EHD4: variants seen among roughly 807,000 people sequenced by gnomAD.
The protein encoded by EHD4 is EH domain containing 4.
In EHD4, 37 loss-of-function variants were observed where a neutral mutation model predicts 51.0. The observed-to-expected ratio is 0.73, with a 90% CI of 0.56 to 0.95. The LOEUF (loss-of-function observed/expected upper bound fraction) is 0.95, where lower values mean the gene tolerates loss of function less well. Among genes scored for constraint, EHD4 ranks in the 40% least tolerant of loss-of-function variants. The pLI is 0.00. For missense variants in EHD4, 632 were observed against 733.1 expected, an observed-to-expected ratio of 0.86 and a Z score of 1.59; for synonymous variants, 297 against 317.3, an observed-to-expected ratio of 0.94 and a Z score of 0.68.
At position 41,901,147 on chromosome 15, in the gene EHD4, T is replaced by G; in HGVS notation, c.1124A>C (p.His375Pro). ...QLENYDFTKF[H>P]SLKPKLIEAV... The stretch of plus-strand genomic sequence containing the variant: ...CTCGATCAGCTTGGGCTTCAGCGAG[T>G]GGAATTTGGTGAAGTCATAGTTCTC... The change falls in exon 6 of 6, where the codon CAC becomes CCC. Residue 375 changes from histidine to proline, a missense_variant. His to Pro is a moderately conservative substitution (Grantham distance 77, BLOSUM62 -2). Transcript: ENST00000220325. The G allele has an allele frequency of 6.4e-7, 1 of 1,568,276 alleles. No homozygotes were observed. Among genetic ancestry groups the G allele is most frequent in the Non-Finnish European group, 8.6e-7 (1 of 1,160,164 alleles).
intron 3 of EHD4, chr15:41,921,763 C>A (rs141572101): frequency 6.6e-6 from 1 of 152,220 alleles, no homozygotes; most frequent in Non-Finnish European, 1.5e-5. Flanking sequence ...TTGCTGAATA[C>A]CCTTCCTGTT....
At chr15:41,921,971 C>T (rs1595534342) in intron 3 of EHD4, among the ~76,000 whole-genome samples, 1 of 152,212 alleles carries the variant, frequency 6.6e-6, no homozygotes, top group Admixed American at 6.5e-5. Flanking sequence ...ATGGTGGTGG[C>T]GGCTTCCTAA....
At chr15:41,958,456 A>G (rs185506871) in intron 1 of EHD4, among the ~76,000 whole-genome samples, 19 of 152,226 alleles carry the variant, frequency 1.2e-4, no homozygotes, top group Admixed American at 3.3e-4. Flanking sequence ...ATTCAGCCCA[A>G]GCTCACAGAG....
chr15:41,912,204 A>G (rs2067554746), intron 4 of EHD4, among the ~76,000 whole-genome samples: 1 of 151,990 alleles, frequency 6.6e-6, no homozygotes, highest in Non-Finnish European at 1.5e-5. Flanking sequence ...GTGCCACCTG[A>G]GTCATGACCC....
At chr15:41,919,982 T>C (rs2067614227) in intron 3 of EHD4, among the ~76,000 whole-genome samples, 1 of 152,218 alleles carries the variant, frequency 6.6e-6, no homozygotes, top group Non-Finnish European at 1.5e-5. Flanking sequence ...ACACAGGCCA[T>C]GGGTCAAAAG....
intron 3 of EHD4, among the ~76,000 whole-genome samples, chr15:41,935,691 C>A (rs143070885): frequency 2.0e-4 from 30 of 152,298 alleles, no homozygotes; most frequent in African/African-American, 7.0e-4. Context: ...AACCAGACTG[C>A]CTGGTTTCAA....
At chr15:41,927,644 C>T (rs981772751) in intron 3 of EHD4, among the ~76,000 whole-genome samples, 3 of 152,166 alleles carry the variant, frequency 2.0e-5, no homozygotes, top group African/African-American at 7.2e-5. Context: ...AATAGTCAAA[C>T]ACACAAAATC....
At chr15:41,957,970 T>A (rs899626130) in intron 1 of EHD4, among the ~76,000 whole-genome samples, 1 of 151,962 alleles carries the variant, frequency 6.6e-6, no homozygotes, top group Non-Finnish European at 1.5e-5. Context: ...GCAATGTGCA[T>A]AAATGGGTCA....
Position 41,919,642 on chromosome 15 carries a change from C to A in EHD4, c.512-20G>T, listed in dbSNP as rs776039358. 5 of 1,504,300 alleles carry A rather than the reference C, an allele frequency of 3.3e-6. No homozygotes were observed. The Admixed American group carries it at 9.3e-5, about 28-fold the overall frequency. 93.2% of individuals were successfully genotyped at this position (1,504,300 alleles called of 1,614,324 possible). ...CATAGCCTGGGTGGAGAGAAGGACACGTCAGTGTAGCCACTGCTGCAGGAG... is the reference window on the plus strand; with the variant it reads ...CATAGCCTGGGTGGAGAGAAGGACAAGTCAGTGTAGCCACTGCTGCAGGAG... On this transcript the variant is annotated intron_variant, in intron 3 of 5. Transcript: ENST00000220325.
At chr15:41,922,921 C>A (rs980698995) in intron 3 of EHD4, among the ~76,000 whole-genome samples, 1 of 152,164 alleles carries the variant, frequency 6.6e-6, no homozygotes, top group Non-Finnish European at 1.5e-5. Context: ...GACGGTCTGT[C>A]ACACATCAGG....
At position 41,971,643 on chromosome 15, in the gene EHD4, G is replaced by A. The variant is rs1450466514; in HGVS notation, c.236+616C>T. ...AATAGTAATATGACACTCCCCCTTA[G>A]TTCCACAGGCTGGTGCGGCTGCTAC... is the stretch of plus-strand genomic sequence containing the variant. On this transcript the variant is annotated intron_variant, in intron 1 of 5. Transcript: ENST00000220325. 1.3e-5 allele frequency among the ~76,000 whole-genome samples: 2 copies of A among 152,174 alleles called. 1 individual carries two copies. The highest frequency in any genetic ancestry group is 4.8e-5 in the African/African-American group (2 of 41,436).
At chr15:41,965,082 AT>A (rs1203239576) in intron 1 of EHD4, among the ~76,000 whole-genome samples, 4 of 152,098 alleles carry the variant, frequency 2.6e-5, no homozygotes, top group Non-Finnish European at 5.9e-5. Flanking sequence ...TATTATCTAT[AT>A]TTTTTGAGGC....
At chr15:41,952,336 C>T (rs1005359028) in intron 2 of EHD4, among the ~76,000 whole-genome samples, 33 of 152,324 alleles carry the variant, frequency 2.2e-4, no homozygotes, top group African/African-American at 7.7e-4. Context: ...TAAAGAGGCT[C>T]GGATGACCCT....
chr15:41,913,419 G>C (rs577358138), intron 4 of EHD4, among the ~76,000 whole-genome samples: 1 of 152,346 alleles, frequency 6.6e-6, no homozygotes, highest in South Asian at 2.1e-4. Context: ...CGAAAGAGAA[G>C]AGGGGGACTA....
In EHD4 at chr15:41,907,866, GTGTGTA is replaced by G. The variant is rs773825600; in HGVS notation, c.1089+1827_1089+1832del. Among the ~76,000 whole-genome samples, 320 of 97,786 alleles carry G rather than the reference GTGTGTA, an allele frequency of 3.3e-3. 2 individuals carry two copies. Among genetic ancestry groups the G allele is most frequent in the African/African-American group, 0.013 (282 of 22,300 alleles). 64.2% of individuals were successfully genotyped at this position (97,786 alleles called of 152,430 possible). On this transcript the variant is annotated intron_variant, in intron 5 of 5. Coordinates refer to ENST00000220325, the MANE Select transcript of EHD4 (RefSeq NM_139265.4). ...TGTGTGTGTGTGTGTGTGTGTGTGT[GTGTGTA>G]TATATTTATTTATTTTTTGAGATGG... is the stretch of plus-strand genomic sequence containing the variant.
intron 1 of EHD4, among the ~76,000 whole-genome samples, chr15:41,969,428 C>A (rs2067982361): frequency 6.6e-6 from 1 of 152,176 alleles, no homozygotes; most frequent in African/African-American, 2.4e-5. Context: ...TGCCTGTAAT[C>A]CCAGCTACTC....
At chr15:41,941,563 C>A (rs1159747732) in intron 3 of EHD4, 1 of 148,354 alleles carries the variant, frequency 6.7e-6, no homozygotes, top group African/African-American at 2.5e-5. Flanking sequence ...TTATGAATAG[C>A]ATTAACCTGT....
intron 3 of EHD4, among the ~76,000 whole-genome samples, chr15:41,941,400 A>C (rs2067768650): frequency 6.6e-6 from 1 of 152,224 alleles, no homozygotes; most frequent in Admixed American, 6.5e-5. Context: ...ATGTGTTTGC[A>C]TATGCGCAGG....
chr15:41,898,793 C>G lies in EHD4; in HGVS notation c.*1852G>C, dbSNP rs1373530666. ...CGGAGGTTGCAGTGAACTGAGATTG[C>G]GCCACTGCACTCCAGCCTGGGTGAC... On this transcript the variant is annotated 3_prime_UTR_variant, in exon 6 of 6. Transcript: ENST00000220325. 1 of 151,954 alleles carries G rather than the reference C, an allele frequency of 6.6e-6. No homozygotes were observed. Among genetic ancestry groups the G allele is most frequent in the Admixed American group, 6.6e-5 (1 of 15,264 alleles). 9.4% of individuals were successfully genotyped at this position (151,954 alleles called of 1,614,324 possible).
Sources: allele counts gnomAD v4.1 joint callset (sites outside exome capture counted in the v4.1 genomes callset), GRCh38; gene constraint gnomAD v4.1.1; transcripts MANE v1.5; gene names NCBI Gene and HGNC (gene_info 2026-07-23, HGNC 2026-07-21).